The following ABL1 variants were observed in gnomAD, a reference collection of about 807,000 sequenced individuals.
ABL1 encodes the protein tyrosine-protein kinase ABL1.
A neutral mutation model predicts 94.7 loss-of-function variants in ABL1; 11 were observed. The ratio of observed to expected loss-of-function variants is 0.12; its 90% CI spans 0.07 to 0.19. ABL1 has a LOEUF of 0.19. Among genes scored for constraint, ABL1 ranks in the 10% least tolerant of loss-of-function variants. The probability of loss-of-function intolerance (pLI) is 1.00; values close to 1 mark genes in which losing one functional copy is unlikely to be tolerated. For missense variants in ABL1, 1,082 were observed against 1,489.4 expected, an observed-to-expected ratio of 0.73 and a Z score of 4.50; for synonymous variants, 656 against 622.4, an observed-to-expected ratio of 1.05 and a Z score of -0.80.
At chr9:130,713,089 G>A (rs1020865656) in exon 1 of ABL1, among the ~76,000 whole-genome samples, 3 of 152,258 alleles carry the variant, frequency 2.0e-5, no homozygotes, top group African/African-American at 7.2e-5. Context: ...CCTGAGCAGC[G>A]CTGGAGCCGG....
chr9:130,790,144 AAT>A (rs1218981986), intron 1 of ABL1, among the ~76,000 whole-genome samples: 1 of 152,240 alleles, frequency 6.6e-6, no homozygotes, highest in Non-Finnish European at 1.5e-5. Context: ...TGTGAAATAA[AAT>A]ATGTCTATAC....
intron 1 of ABL1, among the ~76,000 whole-genome samples, chr9:130,735,752 T>C (rs1329841500): frequency 6.6e-6 from 1 of 151,518 alleles, no homozygotes. Flanking sequence ...TGATAAACAG[T>C]GCTTCAGGGG....
intron 1 of ABL1, among the ~76,000 whole-genome samples, chr9:130,725,878 C>A (rs1454115320): frequency 1.1e-4 from 14 of 125,078 alleles, no homozygotes; most frequent in Admixed American, 7.6e-4. Flanking sequence ...GTCTCCCAGA[C>A]TGGAGTGCAG....
chr9:130,796,641 A>C (rs1411237183), intron 1 of ABL1, among the ~76,000 whole-genome samples: 1 of 152,116 alleles, frequency 6.6e-6, no homozygotes, highest in African/African-American at 2.4e-5. Flanking sequence ...TGAGCAAACT[A>C]AATCAGCTAG....
At chr9:130,804,133 G>A (rs1185286156) in intron 1 of ABL1, among the ~76,000 whole-genome samples, 1 of 151,990 alleles carries the variant, frequency 6.6e-6, no homozygotes, top group Non-Finnish European at 1.5e-5. Flanking sequence ...GAGGCGGGTG[G>A]ATCACGAGAT....
intron 4 of ABL1, among the ~76,000 whole-genome samples, chr9:130,864,368 A>T (rs908315382): frequency 6.6e-6 from 1 of 151,942 alleles, no homozygotes; most frequent in Admixed American, 6.6e-5. Flanking sequence ...CCTCAGCCTC[A>T]CGAGTAGCTG....
In ABL1 at chr9:130,862,704, G is replaced by T; in HGVS notation, c.550-59G>T. 6.3e-7 allele frequency: 1 copy of T among 1,575,508 alleles called. No homozygotes were observed. ...TTAAGGCTCAGCCAAACTGGCTCAC[G>T]TGAGCTCTTTGAGCTTGCCTGTCTC... On this transcript the variant is annotated intron_variant, in intron 3 of 10. Transcript: ENST00000318560. This position sits in a 1 kb window ranked among gnomAD's most constrained non-coding sequence, Gnocchi z 5.5.
exon 1 of ABL1, among the ~76,000 whole-genome samples, chr9:130,713,081 T>G (rs1180463363): frequency 1.3e-5 from 2 of 152,218 alleles, no homozygotes; most frequent in Non-Finnish European, 2.9e-5. Flanking sequence ...TGTCTGTGCC[T>G]GAGCAGCGCT....
At position 130,864,751 on chromosome 9, in the gene ABL1, C is replaced by T. The variant is rs1246301315; in HGVS notation, c.822+1716C>T. Among the ~76,000 whole-genome samples, 7 of 152,266 alleles carry T rather than the reference C, an allele frequency of 4.6e-5. No homozygotes were observed. The East Asian group carries it at 1.4e-3, about 29-fold the overall frequency. ...GGTGAACGAAGGAGGGACGGGGGAGCTGTGCAGGTGCCCCAGCTCCTTGGG... is the reference window on the plus strand; with the variant it reads ...GGTGAACGAAGGAGGGACGGGGGAGTTGTGCAGGTGCCCCAGCTCCTTGGG... On this transcript the variant is annotated intron_variant, in intron 4 of 10. Coordinates refer to ENST00000318560, the MANE Select transcript of ABL1 (RefSeq NM_005157.6).
Position 130,872,789 on chromosome 9 carries a change from T to G in ABL1, c.908-71T>G. The G allele has an allele frequency of 6.7e-7, 1 of 1,493,890 alleles. No homozygotes were observed. The highest frequency in any genetic ancestry group is 9.1e-7 in the Non-Finnish European group (1 of 1,103,246). 92.5% of individuals were successfully genotyped at this position (1,493,890 alleles called of 1,614,324 possible). On this transcript the variant is annotated intron_variant, in intron 5 of 10. Coordinates refer to ENST00000318560, the MANE Select transcript of ABL1 (RefSeq NM_005157.6). This position sits in a 1 kb window ranked among gnomAD's most constrained non-coding sequence, Gnocchi z 5.0. The stretch of plus-strand genomic sequence containing the variant: ...AGAGTCAGAATCCTTCAGAAGGCTT[T>G]TTCTTTAGACAGTTGTTTGTTCAGT...
At chr9:130,844,142 A>G (rs1250922297) in intron 1 of ABL1, among the ~76,000 whole-genome samples, 3 of 152,200 alleles carry the variant, frequency 2.0e-5, no homozygotes, top group Non-Finnish European at 4.4e-5. Context: ...CTCGGCTGGC[A>G]GCCATCTCTA....
At chr9:130,882,776 C>T (rs985377222) in intron 10 of ABL1, among the ~76,000 whole-genome samples, 8 of 152,148 alleles carry the variant, frequency 5.3e-5, no homozygotes, top group African/African-American at 1.7e-4. Context: ...CCTCATGATC[C>T]GCCCACCTCA....
chr9:130,787,185 G>C (rs1330461731), intron 1 of ABL1, among the ~76,000 whole-genome samples: 1 of 152,156 alleles, frequency 6.6e-6, no homozygotes, highest in Admixed American at 6.6e-5. Flanking sequence ...AACTGCTGTT[G>C]CTCTTTACTT....
chr9:130,868,167 C>A (rs1831189026), intron 4 of ABL1, among the ~76,000 whole-genome samples: 1 of 152,076 alleles, frequency 6.6e-6, no homozygotes, highest in Non-Finnish European at 1.5e-5. Context: ...ACCATGTTAG[C>A]CAGGATGGTC....
At chr9:130,781,360 C>A (rs1171193913) in intron 1 of ABL1, among the ~76,000 whole-genome samples, 1 of 152,146 alleles carries the variant, frequency 6.6e-6, no homozygotes, top group Non-Finnish European at 1.5e-5. Context: ...CGTGTGGGTG[C>A]CCCATCCCCA....
chr9:130,743,723 A>G (rs963297868), intron 1 of ABL1, among the ~76,000 whole-genome samples: 30 of 152,184 alleles, frequency 2.0e-4, no homozygotes, highest in African/African-American at 6.8e-4. Context: ...ACCGAAGCCA[A>G]TAGTTCTAAT....
intron 6 of ABL1, among the ~76,000 whole-genome samples, chr9:130,874,461 C>T (rs7851994): frequency 0.31 from 47,276 of 152,160 alleles, 11,847 homozygotes; most frequent in African/African-American, 0.7. Flanking sequence ...TGTTTGTCTC[C>T]GTGCCTGGCA....
At chr9:130,859,396 A>T (rs936611073) in intron 3 of ABL1, among the ~76,000 whole-genome samples, 1 of 152,190 alleles carries the variant, frequency 6.6e-6, no homozygotes, top group Non-Finnish European at 1.5e-5. Context: ...CCGCCCTGAC[A>T]GTGGCTCAGC....
At chr9:130,875,812 C>G (rs996388776) in intron 7 of ABL1, among the ~76,000 whole-genome samples, 2 of 152,024 alleles carry the variant, frequency 1.3e-5, no homozygotes, top group African/African-American at 4.8e-5. Context: ...CTTTCCTCCC[C>G]TCTCCCTCCC....
Sources: allele counts gnomAD v4.1 joint callset (sites outside exome capture counted in the v4.1 genomes callset), GRCh38; gene constraint gnomAD v4.1.1; non-coding constraint Gnocchi (gnomAD v3.1); transcripts MANE v1.5; gene names NCBI Gene and HGNC (gene_info 2026-07-23, HGNC 2026-07-21).